Variants in CPS1 observed in about 807,000 individuals in gnomAD.
CPS1 encodes carbamoyl-phosphate synthase [ammonia], mitochondrial.
In CPS1, 109 loss-of-function variants were observed where a neutral mutation model predicts 174.6. The ratio of observed to expected loss-of-function variants is 0.62; its 90% CI spans 0.53 to 0.73. CPS1 has a LOEUF of 0.73. Among genes scored for constraint, CPS1 ranks in the 30% least tolerant of loss-of-function variants. CPS1 has a pLI of 0.00. For missense variants in CPS1, 1,689 were observed against 1,821.9 expected, an observed-to-expected ratio of 0.93 and a Z score of 1.33; for synonymous variants, 637 against 632.0, an observed-to-expected ratio of 1.01 and a Z score of -0.12.
Position 210,637,833 on chromosome 2 carries a change from G to T in CPS1, c.2819G>T (p.Trp940Leu), listed in dbSNP as rs1446095060. Reference protein sequence around the residue: ...ELRLKKNIHPWVKQIDTLAAE... With the variant: ...ELRLKKNIHPLVKQIDTLAAE... ...AGGTTAAAGAAAAACATCCACCCTT[G>T]GGTTAAACAGGTAAAGGAGTTTCCC... Residue 940 changes from tryptophan (W) to leucine (L), a missense_variant, in exon 22 of 38, where the codon TGG becomes TTG. Transcript: ENST00000233072. 1.2e-6 allele frequency: 2 copies of T among 1,613,844 alleles called. No individual in the cohort carries two copies. The highest frequency in any genetic ancestry group is 1.7e-6 in the Non-Finnish European group (2 of 1,179,838).
chr2:210,588,064 A>G lies in CPS1; in HGVS notation c.628A>G (p.Lys210Glu). 6.2e-7 allele frequency: 1 copy of G among 1,612,986 alleles called. No homozygotes were observed. Among genetic ancestry groups the G allele is most frequent in the East Asian group, 2.2e-5 (1 of 44,826 alleles). Residue 210 changes from lysine to glutamate, a missense_variant, in exon 7 of 38, where the codon AAA (lysine) becomes GAA (glutamate). Transcript: ENST00000233072. ...LIAEVSTKDV[K>E]VYGKGNPTKV... ...CTGGTTTTTAAAATGGCAGGATGTC[A>G]AAGTGTACGGCAAAGGAAACCCCAC...
chr2:210,546,287 G>T (rs549565877), intron 1 of CPS1, among the ~76,000 whole-genome samples: 1 of 152,098 alleles, frequency 6.6e-6, no homozygotes, highest in South Asian at 2.1e-4. Context: ...CTAATTTGTC[G>T]ATATTAAACA....
At position 210,590,240 on chromosome 2, in the gene CPS1, A is replaced by G. The variant is rs1477495553; in HGVS notation, c.840+6A>G. 4.3e-6 allele frequency: 7 copies of G among 1,612,518 alleles called. No homozygotes were observed. The highest frequency in any genetic ancestry group is 3.3e-5 in the Admixed American group (2 of 59,938). On this transcript the variant is annotated splice_donor_region_variant and intron_variant, in intron 8 of 37. Transcript: ENST00000233072. ...TAATTCAGAATGTCAGAAAGGTGCA[A>G]TGAACCTTGAATTCATGTGTATCTG...
chr2:210,646,561 C>A (rs1187579650), intron 25 of CPS1, among the ~76,000 whole-genome samples: 1 of 152,056 alleles, frequency 6.6e-6, no homozygotes, highest in Non-Finnish European at 1.5e-5. Flanking sequence ...ATCATTTTGG[C>A]AGTTCTACTA....
chr2:210,524,730 A>G (rs899212575), intron 1 of CPS1, among the ~76,000 whole-genome samples: 1 of 151,960 alleles, frequency 6.6e-6, no homozygotes, highest in African/African-American at 2.4e-5. Flanking sequence ...ATTGGAGTGA[A>G]TTCAGCTCAA....
chr2:210,486,175 A>C (rs557262435), intron 1 of CPS1, among the ~76,000 whole-genome samples: 1 of 150,562 alleles, frequency 6.6e-6, no homozygotes, highest in African/African-American at 2.4e-5. Flanking sequence ...ATATATATAT[A>C]TGGTAATGTG....
At chr2:210,555,572 A>T (rs1170287629), upstream of CPS1, 1 of 451,266 alleles carries the variant, frequency 2.2e-6, no homozygotes, top group Non-Finnish European at 4.5e-6. Flanking sequence ...CCTTACCCCA[A>T]CTCTAGCACT....
chr2:210,485,189 G>A (rs1694681599), intron 1 of CPS1, among the ~76,000 whole-genome samples: 2 of 150,284 alleles, frequency 1.3e-5, no homozygotes, highest in Admixed American at 1.3e-4. Context: ...CCAAGATGGT[G>A]CCACGGCACT....
Position 210,523,644 on chromosome 2 carries a change from TC to T in CPS1, c.4-33072del, listed in dbSNP as rs138991821. ...TTTCACTTAAGATAATGGTCTTCAT[TC>T]CCATCCATGTTGCTGCAAAAGACAT... On this transcript the variant is annotated intron_variant, in intron 1 of 38. Coordinates refer to the CPS1 transcript ENST00000430249. 2.2e-4 allele frequency among the ~76,000 whole-genome samples: 33 copies of T among 152,132 alleles called. 1 individual carries two copies. The East Asian group carries it at 6.4e-3, about 30-fold the overall frequency.
chr2:210,628,420 T>C (rs1244610319), intron 21 of CPS1, among the ~76,000 whole-genome samples: 2 of 152,348 alleles, frequency 1.3e-5, no homozygotes, highest in East Asian at 3.9e-4. Context: ...CTTCTCCTTT[T>C]CCTCCTTTCT....
intron 24 of CPS1, among the ~76,000 whole-genome samples, chr2:210,641,949 T>A (rs1700239619): frequency 6.6e-6 from 1 of 152,196 alleles, no homozygotes; most frequent in South Asian, 2.1e-4. Context: ...TGGGTGGCCT[T>A]GCCAAGTTTA....
intron 16 of CPS1, 74 bp from the exon 17 acceptor site, chr2:210,605,028 G>T (rs1055285865): frequency 6.3e-5 from 97 of 1,528,386 alleles, no homozygotes; most frequent in Non-Finnish European, 8.7e-5. Flanking sequence ...TTATGCCAGG[G>T]TATTTTGCCA....
intron 28 of CPS1, 49 bp downstream of exon 28, chr2:210,650,487 A>T: frequency 8.0e-7 from 1 of 1,252,616 alleles, no homozygotes; most frequent in African/African-American, 1.5e-5. Context: ...ATAAACATGT[A>T]GTGACATTTA....
intron 1 of CPS1, among the ~76,000 whole-genome samples, chr2:210,478,502 G>C (rs1399680261): frequency 2.0e-5 from 3 of 151,928 alleles, no homozygotes; most frequent in Non-Finnish European, 2.9e-5. Flanking sequence ...TTTTTCCCGT[G>C]TTTGTGGGGT....
chr2:210,522,348 AG>A (rs553559600), intron 1 of CPS1, among the ~76,000 whole-genome samples: 195 of 152,148 alleles, frequency 1.3e-3, no homozygotes, highest in African/African-American at 4.5e-3. Context: ...TTGTATTTTA[AG>A]GATCAAGCTT....
At chr2:210,498,188 T>C (rs1280255834) in intron 1 of CPS1, among the ~76,000 whole-genome samples, 1 of 151,970 alleles carries the variant, frequency 6.6e-6, no homozygotes, top group Non-Finnish European at 1.5e-5. Flanking sequence ...CATTTTTTCA[T>C]GTTTGCTGAC....
chr2:210,573,512 C>CGATGCA, intron 2 of CPS1, 105 bp downstream of exon 2: 3 of 901,946 alleles, frequency 3.3e-6, no homozygotes, highest in Non-Finnish European at 5.5e-6. Context: ...AGTAAGACTA[C>CGATGCA]GTATTGTCCT....
chr2:210,566,200 G>A (rs538159326), intron 1 of CPS1, among the ~76,000 whole-genome samples: 7 of 152,222 alleles, frequency 4.6e-5, no homozygotes, highest in Admixed American at 2.0e-4. Context: ...CAGCAGGGCA[G>A]CAAGTTTTTC....
intron 1 of CPS1, among the ~76,000 whole-genome samples, chr2:210,532,755 TA>T (rs1022000235): frequency 7.9e-5 from 12 of 152,146 alleles, no homozygotes; most frequent in African/African-American, 2.9e-4. Flanking sequence ...TTAATGCCAA[TA>T]AAACAGTTCC....
Sources: gnomAD v4.1 joint callset for allele counts (sites outside exome capture counted in the v4.1 genomes callset) on GRCh38, gnomAD v4.1.1 for gene constraint, MANE v1.5 for transcripts, NCBI Gene and HGNC (gene_info 2026-07-23, HGNC 2026-07-21) for gene names.